BANK1: variants seen among roughly 807,000 people sequenced by gnomAD.
BANK1 encodes the protein B cell scaffold protein with ankyrin repeats 1, also known as B-cell scaffold protein with ankyrin repeats.
BANK1 carries 95 observed loss-of-function variants against 94.5 expected under a neutral mutation model. The ratio of observed to expected loss-of-function variants is 1.00; its 90% CI spans 0.85 to 1.19. The LOEUF is 1.19. BANK1 is among the 50% of genes most tolerant of loss of function. The probability of loss-of-function intolerance (pLI) is 0.00; values close to 1 mark genes in which losing one functional copy is unlikely to be tolerated. For synonymous variants in BANK1, 334 were observed against 308.4 expected, an observed-to-expected ratio of 1.08 and a Z score of -0.87; for missense variants, 987 against 932.2, an observed-to-expected ratio of 1.06 and a Z score of -0.77.
At chr4:101,994,693 G>C (rs918094359) in intron 7 of BANK1, among the ~76,000 whole-genome samples, 2 of 152,122 alleles carry the variant, frequency 1.3e-5, no homozygotes, top group Non-Finnish European at 2.9e-5. Flanking sequence ...TGTTAGCAAA[G>C]CAGGAAACCT....
At chr4:101,845,053 A>C (rs1440108240) in intron 2 of BANK1, among the ~76,000 whole-genome samples, 1 of 152,192 alleles carries the variant, frequency 6.6e-6, no homozygotes, top group Non-Finnish European at 1.5e-5. Context: ...AAGTGAAAGG[A>C]AATTAAAATA....
At chr4:102,011,581 G>T (rs1165799461) in intron 7 of BANK1, among the ~76,000 whole-genome samples, 2 of 152,080 alleles carry the variant, frequency 1.3e-5, no homozygotes, top group Non-Finnish European at 2.9e-5. Context: ...TGGATTTCTG[G>T]GATGAAGAAA....
In BANK1 at chr4:101,870,576, T is replaced by C; in HGVS notation, c.835T>C (p.Tyr279His). ...CGTTAAAGCTACAACCAAAATTAAG[T>C]ACTACCCAACAGCAAAGGCAAAGGA... ...GIVKATTKIKYYPTAKAKECL... is the reference protein window; with the variant it reads ...GIVKATTKIKHYPTAKAKECL... Residue 279 changes from tyrosine (Y) to histidine (H), a missense_variant, in exon 5 of 17, where the codon TAC (tyrosine) becomes CAC (histidine). Transcript: ENST00000322953. 2 of 1,612,958 alleles carry C rather than the reference T, an allele frequency of 1.2e-6. No homozygotes were observed. The highest frequency in any genetic ancestry group is 1.7e-6 in the Non-Finnish European group (2 of 1,179,274).
At chr4:101,876,138 C>T (rs1728482424) in intron 5 of BANK1, among the ~76,000 whole-genome samples, 1 of 152,160 alleles carries the variant, frequency 6.6e-6, no homozygotes. Flanking sequence ...GTCCTGGCAG[C>T]ATTCATCACC....
intron 7 of BANK1, among the ~76,000 whole-genome samples, chr4:102,013,866 C>T (rs57545925): frequency 0.013 from 1,908 of 151,996 alleles, 38 homozygotes; most frequent in East Asian, 0.067. Context: ...TTTAACAAAA[C>T]GACAATTTTA....
Position 102,072,344 on chromosome 4 carries a change from G to A in BANK1, c.2243-1G>A. ...GGTAATAACTGAGTTTGTATTTCTA[G>A]GTAAGGAAACTGCCCACAATGAAAA... On this transcript the variant is annotated splice_acceptor_variant, in intron 14 of 16. Coordinates refer to ENST00000322953, the MANE Select transcript of BANK1 (RefSeq NM_017935.5). LOFTEE classifies it high-confidence loss of function. 1 of 1,583,352 alleles carries A rather than the reference G, an allele frequency of 6.3e-7. No individual in the cohort carries two copies. Among genetic ancestry groups the A allele is most frequent in the Non-Finnish European group, 8.7e-7 (1 of 1,153,648 alleles).
chr4:101,849,686 GTCTA>G (rs1054999326), intron 2 of BANK1, among the ~76,000 whole-genome samples: 8 of 152,182 alleles, frequency 5.3e-5, no homozygotes, highest in East Asian at 1.9e-4. Flanking sequence ...ATATGATTAT[GTCTA>G]TCTAATTACC....
intron 7 of BANK1, among the ~76,000 whole-genome samples, chr4:101,992,547 T>C (rs1331145700): frequency 6.6e-6 from 1 of 152,112 alleles, no homozygotes; most frequent in African/African-American, 2.4e-5. Context: ...ATAGAAACCA[T>C]GTTAGAAAAG....
intron 6 of BANK1, among the ~76,000 whole-genome samples, chr4:101,904,083 T>C (rs1578389222): frequency 6.6e-6 from 1 of 152,242 alleles, no homozygotes; most frequent in Non-Finnish European, 1.5e-5. Context: ...GGCAACACTT[T>C]CCAGTGATAA....
intron 1 of BANK1, among the ~76,000 whole-genome samples, chr4:101,805,541 AC>A (rs1005536345): frequency 8.6e-5 from 13 of 151,686 alleles, no homozygotes; most frequent in Admixed American, 7.9e-4. Context: ...TCTGAATGCC[AC>A]ATGAACAGCC....
At chr4:101,861,699 G>T (rs1727883345) in intron 3 of BANK1, among the ~76,000 whole-genome samples, 1 of 151,712 alleles carries the variant, frequency 6.6e-6, no homozygotes, top group Admixed American at 6.6e-5. Flanking sequence ...TTGTCTTTCT[G>T]TATGTCTTTG....
At chr4:101,982,267 A>G (rs1725347727) in intron 7 of BANK1, among the ~76,000 whole-genome samples, 1 of 151,342 alleles carries the variant, frequency 6.6e-6, no homozygotes, top group Non-Finnish European at 1.5e-5. Flanking sequence ...TCTATATAAT[A>G]AAAACATATT....
intron 7 of BANK1, among the ~76,000 whole-genome samples, chr4:102,018,485 ATAT>A (rs1726787385): frequency 6.6e-6 from 1 of 152,228 alleles, no homozygotes; most frequent in African/African-American, 2.4e-5. Context: ...CGAAATCAGA[ATAT>A]TATGATCAAT....
rs78097635 is a variant in BANK1, at chr4:101,793,152, A to G, written c.70+2202A>G. ...TTTGCTTAAGAACAGAAAGCATGAAAGGGTGGAATTAGCATTTAGACTGTT... is the reference window on the plus strand; with the variant it reads ...TTTGCTTAAGAACAGAAAGCATGAAGGGGTGGAATTAGCATTTAGACTGTT... On this transcript the variant is annotated intron_variant, in intron 1 of 16. Coordinates refer to ENST00000322953, the MANE Select transcript of BANK1 (RefSeq NM_017935.5). 5.3e-3 allele frequency among the ~76,000 whole-genome samples: 807 copies of G among 152,300 alleles called. 12 individuals carry two copies. The East Asian group carries it at 0.061, about 11-fold the overall frequency.
chr4:101,903,233 T>C (rs1025058585), intron 6 of BANK1, among the ~76,000 whole-genome samples: 1 of 152,184 alleles, frequency 6.6e-6, no homozygotes, highest in African/African-American at 2.4e-5. Flanking sequence ...TTTCAAAACC[T>C]GAAACACCTT....
chr4:101,921,245 A>C (rs1310659879), intron 7 of BANK1, among the ~76,000 whole-genome samples: 8 of 151,984 alleles, frequency 5.3e-5, no homozygotes, highest in Non-Finnish European at 1.2e-4. Context: ...TTCAGTTTCT[A>C]ACAATATCAC....
At chr4:101,962,753 T>C (rs1163754217) in intron 7 of BANK1, among the ~76,000 whole-genome samples, 2 of 152,154 alleles carry the variant, frequency 1.3e-5, no homozygotes, top group Non-Finnish European at 2.9e-5. Flanking sequence ...TTTAAATATA[T>C]GGTCAATATA....
intron 7 of BANK1, among the ~76,000 whole-genome samples, chr4:101,952,960 T>C (rs1014664786): frequency 2.6e-5 from 4 of 152,048 alleles, no homozygotes; most frequent in Admixed American, 2.0e-4. Flanking sequence ...AAATAACAAA[T>C]ACCCTTGCAG....
In BANK1 at chr4:101,867,194, A is replaced by G; in HGVS notation, c.764-3311A>G. 3.9e-5 allele frequency among the ~76,000 whole-genome samples: 2 copies of G among 50,880 alleles called. 1 individual carries two copies. The highest frequency in any genetic ancestry group is 8.0e-4 in the East Asian group (2 of 2,506). 33.4% of individuals were successfully genotyped at this position (50,880 alleles called of 152,430 possible). Reference sequence around the variant, plus strand: ...AAAAATTTAAAAAAAAAAAAAAAAAAAAGAATTACGTTGAATTTCTCTTCA... The same window carrying G: ...AAAAATTTAAAAAAAAAAAAAAAAAGAAGAATTACGTTGAATTTCTCTTCA... On this transcript the variant is annotated intron_variant, in intron 4 of 16. Coordinates refer to ENST00000322953, the MANE Select transcript of BANK1 (RefSeq NM_017935.5).
Sources: gnomAD v4.1 joint callset for allele counts (sites outside exome capture counted in the v4.1 genomes callset) on GRCh38, gnomAD v4.1.1 for gene constraint, MANE v1.5 for transcripts, NCBI Gene and HGNC (gene_info 2026-07-23, HGNC 2026-07-21) for gene names.